Variants in PRR16 observed in about 807,000 individuals in gnomAD.
PRR16 encodes the protein proline rich 16.
Under a neutral mutation model 18.2 loss-of-function variants are expected in PRR16, and 6 were observed. The observed-to-expected ratio is 0.33, with a 90% CI of 0.18 to 0.65. The LOEUF (loss-of-function observed/expected upper bound fraction) is 0.65, where lower values mean the gene tolerates loss of function less well. Ranked by LOEUF, PRR16 falls within the 30% of genes least tolerant of loss-of-function variation. PRR16 has a pLI of 0.74. For missense variants in PRR16, 412 were observed against 376.6 expected (o/e 1.09, Z -0.78); for synonymous variants, 151 against 147.8 (o/e 1.02, Z -0.16).
the PRR16 span, among the ~76,000 whole-genome samples, chr5:120,772,637 A>G: frequency 6.6e-6 from 1 of 152,066 alleles, no homozygotes; most frequent in Non-Finnish European, 1.5e-5. Flanking sequence ...GAATGGATAT[A>G]AGATGATTTA....
chr5:120,750,407 C>A, the PRR16 span, among the ~76,000 whole-genome samples: 1 of 151,786 alleles, frequency 6.6e-6, no homozygotes, highest in Non-Finnish European at 1.5e-5. Context: ...ACCTGTAATC[C>A]CAGCACTTTG....
chr5:120,773,901 T>C, the PRR16 span, among the ~76,000 whole-genome samples: 1 of 152,116 alleles, frequency 6.6e-6, no homozygotes, highest in African/African-American at 2.4e-5. Context: ...AGCCTTTATA[T>C]TGAATATTAA....
chr5:120,538,107 A>T (rs1207532294), intron 1 of PRR16, among the ~76,000 whole-genome samples: 1 of 152,222 alleles, frequency 6.6e-6, no homozygotes, highest in Non-Finnish European at 1.5e-5. Context: ...ATATTAGAAG[A>T]TACTTTGAAA....
intron 1 of PRR16, among the ~76,000 whole-genome samples, chr5:120,493,182 A>G (rs911041278): frequency 2.0e-5 from 3 of 148,564 alleles, no homozygotes; most frequent in Non-Finnish European, 3.0e-5. Flanking sequence ...CCAGCAGTGT[A>G]AAATGGTTCT....
At chr5:120,490,390 A>G (rs980703284) in intron 1 of PRR16, among the ~76,000 whole-genome samples, 8 of 151,800 alleles carry the variant, frequency 5.3e-5, no homozygotes, top group African/African-American at 1.5e-4. Context: ...TTCTCGCTTC[A>G]TTTCATTCTT....
At chr5:120,710,497 T>C in the PRR16 span, among the ~76,000 whole-genome samples, 1 of 152,210 alleles carries the variant, frequency 6.6e-6, no homozygotes, top group African/African-American at 2.4e-5. Flanking sequence ...TTTTTAAAAA[T>C]TTTAGCCAGC....
the PRR16 span, chr5:120,789,817 T>A: frequency 2.0e-5 from 3 of 152,284 alleles, no homozygotes; most frequent in Admixed American, 2.0e-4. Flanking sequence ...TAAAATAAAA[T>A]GCTTGACAAT....
the PRR16 span, among the ~76,000 whole-genome samples, chr5:120,734,198 G>C: frequency 1.3e-5 from 2 of 152,178 alleles, no homozygotes; most frequent in Non-Finnish European, 2.9e-5. Flanking sequence ...TGCCTGGCCA[G>C]AGTATTGGCT....
At chr5:120,502,110 T>C (rs1158700833) in intron 1 of PRR16, among the ~76,000 whole-genome samples, 1 of 151,508 alleles carries the variant, frequency 6.6e-6, no homozygotes, top group East Asian at 1.9e-4. Flanking sequence ...CCAAAATTTA[T>C]TGGAAGCTTT....
the PRR16 span, among the ~76,000 whole-genome samples, chr5:120,707,761 C>G: frequency 6.6e-6 from 1 of 152,124 alleles, no homozygotes; most frequent in Non-Finnish European, 1.5e-5. Flanking sequence ...CAAGTAAAGA[C>G]AATTATTTCA....
At chr5:120,757,970 A>G in the PRR16 span, among the ~76,000 whole-genome samples, 1 of 152,136 alleles carries the variant, frequency 6.6e-6, no homozygotes, top group Non-Finnish European at 1.5e-5. Flanking sequence ...AGGAGTGAGT[A>G]ATTACATGTA....
chr5:120,767,765 T>C, the PRR16 span, among the ~76,000 whole-genome samples: 1 of 151,840 alleles, frequency 6.6e-6, no homozygotes, highest in Non-Finnish European at 1.5e-5. Flanking sequence ...ATAGCAGATA[T>C]GGCAATCTTG....
chr5:120,610,291 A>C (rs1365133479), intron 1 of PRR16, among the ~76,000 whole-genome samples: 1 of 151,614 alleles, frequency 6.6e-6, no homozygotes, highest in East Asian at 1.9e-4. Flanking sequence ...ATGGGTTTTT[A>C]GTTTTCAGGC....
At chr5:120,708,348 T>C in the PRR16 span, among the ~76,000 whole-genome samples, 4 of 152,224 alleles carry the variant, frequency 2.6e-5, no homozygotes, top group South Asian at 4.1e-4. Context: ...TCAAATGTTC[T>C]AGTTATGGCT....
chr5:120,557,244 A>C (rs1220103414), intron 1 of PRR16, among the ~76,000 whole-genome samples: 3 of 151,896 alleles, frequency 2.0e-5, no homozygotes, highest in Non-Finnish European at 4.4e-5. Context: ...TCATAAAAGG[A>C]AGTTTTCAGT....
chr5:120,672,085 C>A (rs2011072), intron 1 of PRR16, among the ~76,000 whole-genome samples: 46,960 of 151,972 alleles, frequency 0.31, 7,721 homozygotes, highest in Middle Eastern at 0.44. Flanking sequence ...CCTTAAGGGG[C>A]TAATTACACA....
At chr5:120,607,553 C>T (rs1250404211) in intron 1 of PRR16, among the ~76,000 whole-genome samples, 1 of 152,122 alleles carries the variant, frequency 6.6e-6, no homozygotes, top group Non-Finnish European at 1.5e-5. Context: ...AGTAGGGACC[C>T]TTGATCTATG....
At chr5:120,487,903 A>G (rs1018461869) in intron 1 of PRR16, among the ~76,000 whole-genome samples, 35 of 152,174 alleles carry the variant, frequency 2.3e-4, no homozygotes, top group African/African-American at 8.0e-4. Context: ...CTATTGATAT[A>G]ATCATGCGGT....
intron 1 of PRR16, among the ~76,000 whole-genome samples, chr5:120,578,705 CAT>C (rs1276684682): frequency 3.3e-5 from 5 of 152,126 alleles, no homozygotes; most frequent in African/African-American, 1.2e-4. Flanking sequence ...CTGCAGTAAA[CAT>C]ATGTGTGCAT....
Sources: allele counts gnomAD v4.1 joint callset (sites outside exome capture counted in the v4.1 genomes callset), GRCh38; gene constraint gnomAD v4.1.1; transcripts MANE v1.5; gene names NCBI Gene and HGNC (gene_info 2026-07-23, HGNC 2026-07-21).